Variants in ZFC3H1 observed in about 807,000 individuals in gnomAD.
ZFC3H1 encodes the protein zinc finger C3H1 domain-containing protein.
In ZFC3H1, 71 loss-of-function variants were observed where a neutral mutation model predicts 243.7. The observed-to-expected ratio is 0.29, with a 90% CI of 0.24 to 0.36. The LOEUF (loss-of-function observed/expected upper bound fraction) is 0.36, where lower values mean the gene tolerates loss of function less well. ZFC3H1 is among the 10% of genes least tolerant of loss of function. The pLI is 1.00. For synonymous variants in ZFC3H1, 838 were observed against 813.0 expected (o/e 1.03, Z -0.52); for missense variants, 1,966 against 2,317.1 (o/e 0.85, Z 3.11).
At position 71,632,146 on chromosome 12, in the gene ZFC3H1, A is replaced by G; in HGVS notation, c.3186T>C (p.Asp1062=). The G allele has an allele frequency of 6.2e-7, 1 of 1,609,868 alleles. No individual in the cohort carries two copies. Among genetic ancestry groups the G allele is most frequent in the Non-Finnish European group, 8.5e-7 (1 of 1,178,726 alleles). ...YFTKPNLKHT[D]TANKECINKL... ...TGTTTATGCATTCTTTGTTAGCAGT[A>G]TCAGTGTGCTTAAGGTTAGGTTTAG... is the stretch of plus-strand genomic sequence containing the variant. The change falls in exon 15 of 35, where the codon GAT becomes GAC. Residue 1062 remains aspartate, a synonymous_variant. Transcript: ENST00000378743.
In ZFC3H1 at chr12:71,663,639, T is replaced by G. The variant is rs1426061710; in HGVS notation, c.-29A>C. ...GGGAGCAGCGCCTTCCACACAACCT[T>G]AGCCCTCCGTCCGGGGATCCGCCCG... On this transcript the variant is annotated 5_prime_UTR_variant, in exon 1 of 35. Coordinates refer to ENST00000378743, the MANE Select transcript of ZFC3H1 (RefSeq NM_144982.5). The G allele has an allele frequency of 6.3e-7, 1 of 1,588,374 alleles. No homozygotes were observed.
intron 27 of ZFC3H1, among the ~76,000 whole-genome samples, chr12:71,618,809 A>T (rs1355015980): frequency 6.6e-6 from 1 of 152,192 alleles, no homozygotes; most frequent in Non-Finnish European, 1.5e-5. Context: ...CAGCAAGCAC[A>T]GCTCTATATG....
Position 71,633,455 on chromosome 12 carries a change from A to G in ZFC3H1, c.2511-17T>C. ...AAGAGAATCCTAAATGAGAAATAACAAAATTCTTGTTAATGTTTCCCTACA... is the reference window on the plus strand; with the variant it reads ...AAGAGAATCCTAAATGAGAAATAACGAAATTCTTGTTAATGTTTCCCTACA... On this transcript the variant is annotated splice_polypyrimidine_tract_variant and intron_variant, in intron 12 of 34. Coordinates refer to ENST00000378743, the MANE Select transcript of ZFC3H1 (RefSeq NM_144982.5). 6.5e-7 allele frequency: 1 copy of G among 1,529,464 alleles called. No homozygotes were observed. The highest frequency in any genetic ancestry group is 8.8e-7 in the Non-Finnish European group (1 of 1,140,816). The allele number at this position is 1,529,464 out of a possible 1,614,324, so 94.7% of individuals were successfully genotyped here. A position where few individuals can be genotyped will look rare whatever the true frequency, so the allele number is the denominator to read the frequency against.
In ZFC3H1 at chr12:71,621,950, G is replaced by A. The variant is rs563562795; in HGVS notation, c.4744+1410C>T. On this transcript the variant is annotated intron_variant, in intron 24 of 34. Coordinates refer to ENST00000378743, the MANE Select transcript of ZFC3H1 (RefSeq NM_144982.5). The stretch of plus-strand genomic sequence containing the variant: ...TACCATTGGTATAATTTCTCTTCAA[G>A]CACATTCTCTTTCTTAAAGAACCTC... 2.4e-4 allele frequency among the ~76,000 whole-genome samples: 37 copies of A among 152,094 alleles called. No homozygotes were observed. In the South Asian group the frequency reaches 7.3e-3, roughly 30 times the overall value.
chr12:71,647,399 A>C (rs977187707), intron 3 of ZFC3H1, among the ~76,000 whole-genome samples: 1 of 152,204 alleles, frequency 6.6e-6, no homozygotes, highest in Non-Finnish European at 1.5e-5. Flanking sequence ...AGAATTTGAC[A>C]CCAGGTGAAG....
intron 27 of ZFC3H1, among the ~76,000 whole-genome samples, chr12:71,617,697 G>A (rs373354485): frequency 6.6e-6 from 1 of 152,164 alleles, no homozygotes; most frequent in Non-Finnish European, 1.5e-5. Flanking sequence ...TAATTTAAAC[G>A]AGGAAGAAAC....
chr12:71,632,944 G>A lies in ZFC3H1; in HGVS notation c.2759C>T (p.Ala920Val). 1 of 1,613,712 alleles carries A rather than the reference G, an allele frequency of 6.2e-7. No homozygotes were observed. Among genetic ancestry groups the A allele is most frequent in the Non-Finnish European group, 8.5e-7 (1 of 1,179,850 alleles). ...TATTTCTTTACTGGCCACTGCCTTT[G>A]CCCGAGCAAGCTCTTCTCCATATTT... is the stretch of plus-strand genomic sequence containing the variant. ...TLKYGEELAR[A>V]KAVASKEIGK... is the part of the protein sequence containing the mutation. The change falls in exon 14 of 35, where the codon GCA becomes GTA. Residue 920 changes from alanine (A) to valine (V), a missense_variant. This residue lies in a region of ZFC3H1 where 1,383 missense variants were observed against 1,723.7 expected (regional missense o/e 0.80). Coordinates refer to ENST00000378743, the MANE Select transcript of ZFC3H1 (RefSeq NM_144982.5).
At chr12:71,611,911 G>T in intron 31 of ZFC3H1, 24 bp from the exon 32 acceptor site, 2 of 1,500,284 alleles carry the variant, frequency 1.3e-6, no homozygotes, top group South Asian at 1.2e-5. Flanking sequence ...TCAGGAAAAT[G>T]AACAAAGCAT....
chr12:71,660,378 G>A (rs370016066), intron 1 of ZFC3H1: 4 of 152,028 alleles, frequency 2.6e-5, no homozygotes, highest in African/African-American at 7.2e-5. Context: ...TACTTCATAG[G>A]GAAAACAATG....
intron 6 of ZFC3H1, among the ~76,000 whole-genome samples, chr12:71,640,622 G>T (rs1880577462): frequency 6.6e-6 from 1 of 152,300 alleles, no homozygotes; most frequent in South Asian, 2.1e-4. Context: ...TCATTACAGG[G>T]AACGGGCAGG....
At chr12:71,651,137 A>C (rs1425122821) in intron 2 of ZFC3H1, among the ~76,000 whole-genome samples, 1 of 152,200 alleles carries the variant, frequency 6.6e-6, no homozygotes, top group Admixed American at 6.5e-5. Flanking sequence ...TAAGGTAGAG[A>C]CTGAGAATTT....
Position 71,632,972 on chromosome 12 carries a change from G to A in ZFC3H1, c.2731C>T (p.Leu911=), listed in dbSNP as rs75210486. ...CGAGCAAGCTCTTCTCCATATTTTA[G>A]AGTCAAAGCTTTCTTAATTGTAACA... ...QRVTIKKALT[L]KYGEELARAK... The change falls in exon 14 of 35, where the codon CTA becomes TTA. Residue 911 remains leucine (L), a synonymous_variant. Coordinates refer to ENST00000378743, the MANE Select transcript of ZFC3H1 (RefSeq NM_144982.5). 2 of 1,612,918 alleles carry A rather than the reference G, an allele frequency of 1.2e-6. No homozygotes were observed. Among genetic ancestry groups the A allele is most frequent in the Non-Finnish European group, 1.7e-6 (2 of 1,179,656 alleles).
At chr12:71,642,289 TACA>T (rs1177427495) in intron 6 of ZFC3H1, 144 bp downstream of exon 6, 7 of 867,634 alleles carry the variant, frequency 8.1e-6, no homozygotes, top group African/African-American at 5.1e-5. Context: ...TCTAAGTATT[TACA>T]ACAACAAATA....
intron 7 of ZFC3H1, among the ~76,000 whole-genome samples, chr12:71,637,700 T>C (rs566063685): frequency 2.0e-5 from 3 of 152,332 alleles, no homozygotes; most frequent in Admixed American, 6.5e-5. Context: ...AAGAAAGTGC[T>C]GTTTTCTCTC....
intron 30 of ZFC3H1, among the ~76,000 whole-genome samples, chr12:71,614,089 T>G (rs924725348): frequency 6.6e-6 from 1 of 152,168 alleles, no homozygotes; most frequent in African/African-American, 2.4e-5. Context: ...GCCTTGTGTA[T>G]AGCTATATTT....
intron 19 of ZFC3H1, 29 bp from the exon 20 acceptor site, chr12:71,629,066 T>A: frequency 1.3e-6 from 2 of 1,554,038 alleles, no homozygotes. Context: ...GATTGTTAAT[T>A]GATATAACTA....
At chr12:71,661,807 C>T (rs1881184851) in intron 1 of ZFC3H1, among the ~76,000 whole-genome samples, 1 of 152,162 alleles carries the variant, frequency 6.6e-6, no homozygotes. Context: ...CGAAACAATC[C>T]TGAAATACTC....
Position 71,635,517 on chromosome 12 carries a change from C to T in ZFC3H1, c.2164G>A (p.Glu722Lys). The T allele has an allele frequency of 6.4e-7, 1 of 1,567,444 alleles. No homozygotes were observed. Among genetic ancestry groups the T allele is most frequent in the South Asian group, 1.2e-5 (1 of 82,182 alleles). The change falls in exon 10 of 35, where the codon GAG becomes AAG. Residue 722 changes from glutamate to lysine, a missense_variant. Coordinates refer to ENST00000378743, the MANE Select transcript of ZFC3H1 (RefSeq NM_144982.5). ...NDSDDSESDG[E>K]ASKSTNSVFG... The stretch of plus-strand genomic sequence containing the variant: ...ACACTATTTGTTGACTTGGAAGCCT[C>T]TCCATCAGATTCACTATCATCTGAA...
intron 16 of ZFC3H1, among the ~76,000 whole-genome samples, chr12:71,631,189 T>G (rs1880313663): frequency 6.6e-6 from 1 of 152,116 alleles, no homozygotes; most frequent in Admixed American, 6.5e-5. Context: ...AAAAAAACCT[T>G]GTATTCTAAA....
Sources: allele counts gnomAD v4.1 joint callset (sites outside exome capture counted in the v4.1 genomes callset), GRCh38; gene constraint gnomAD v4.1.1; regional missense constraint gnomAD v4.1.1; transcripts MANE v1.5; gene names NCBI Gene and HGNC (gene_info 2026-07-23, HGNC 2026-07-21).